CLMP: variants seen among roughly 807,000 people sequenced by gnomAD.
CLMP encodes the protein CXADR like cell adhesion molecule.
In CLMP, 27 loss-of-function variants were observed where a neutral mutation model predicts 45.2. The ratio of observed to expected loss-of-function variants is 0.60; its 90% CI spans 0.44 to 0.82. CLMP has a LOEUF of 0.82. CLMP is among the 40% of genes least tolerant of loss of function. The probability of loss-of-function intolerance (pLI) is 0.00; values close to 1 mark genes in which losing one functional copy is unlikely to be tolerated. For synonymous variants in CLMP, 167 were observed against 171.4 expected, an observed-to-expected ratio of 0.97 and a Z score of 0.20; for missense variants, 403 against 448.4, an observed-to-expected ratio of 0.90 and a Z score of 0.91.
chr11:123,175,130 AT>A (rs981030336), intron 1 of CLMP, among the ~76,000 whole-genome samples: 1 of 151,970 alleles, frequency 6.6e-6, no homozygotes, highest in Non-Finnish European at 1.5e-5. Flanking sequence ...ATTAAAAAAA[AT>A]TTTTTTTAAG....
At chr11:123,171,019 G>A (rs1350111164) in intron 1 of CLMP, among the ~76,000 whole-genome samples, 2 of 152,148 alleles carry the variant, frequency 1.3e-5, no homozygotes, top group Non-Finnish European at 2.9e-5. Flanking sequence ...TTAAAACCAG[G>A]GTATGAGCAA....
In CLMP at chr11:123,161,052, T is replaced by C. The variant is rs189680763; in HGVS notation, c.28+33861A>G. On this transcript the variant is annotated intron_variant, in intron 1 of 6. Coordinates refer to ENST00000448775, the MANE Select transcript of CLMP (RefSeq NM_024769.5). The stretch of plus-strand genomic sequence containing the variant: ...TTGAAACAGGCAGCATTAGATTTCC[T>C]TGGCCTTCCTTTGACAGCAGCACTG... 6.6e-5 allele frequency among the ~76,000 whole-genome samples: 10 copies of C among 152,038 alleles called. No individual in the cohort carries two copies. In the East Asian group the frequency reaches 1.9e-3, roughly 29 times the overall value.
At chr11:123,152,555 TA>T (rs971803646) in intron 1 of CLMP, among the ~76,000 whole-genome samples, 2 of 145,502 alleles carry the variant, frequency 1.4e-5, no homozygotes, top group African/African-American at 2.8e-5. Context: ...AATAAATAAA[TA>T]AATAAATAAA....
intron 1 of CLMP, among the ~76,000 whole-genome samples, chr11:123,184,031 T>C (rs964761098): frequency 1.4e-4 from 22 of 152,222 alleles, no homozygotes; most frequent in African/African-American, 5.3e-4. Flanking sequence ...TCTCATAATG[T>C]TATCTTGAAG....
chr11:123,079,979 C>T (rs1229219854), intron 5 of CLMP, among the ~76,000 whole-genome samples: 1 of 152,172 alleles, frequency 6.6e-6, no homozygotes, highest in African/African-American at 2.4e-5. Flanking sequence ...ACTGAACACC[C>T]ACCATGTGTG....
At chr11:123,187,022 A>G (rs1861843834) in intron 1 of CLMP, among the ~76,000 whole-genome samples, 1 of 152,200 alleles carries the variant, frequency 6.6e-6, no homozygotes, top group African/African-American at 2.4e-5. Flanking sequence ...GATAATAACA[A>G]CAGACATTCA....
At chr11:123,191,894 A>T (rs1204259294) in intron 1 of CLMP, among the ~76,000 whole-genome samples, 1 of 152,218 alleles carries the variant, frequency 6.6e-6, no homozygotes, top group Admixed American at 6.5e-5. Flanking sequence ...TTAGATAAGC[A>T]TTTGGAACAC....
intron 1 of CLMP, among the ~76,000 whole-genome samples, chr11:123,190,298 A>C (rs183356746): frequency 6.0e-4 from 92 of 152,268 alleles, no homozygotes; most frequent in Admixed American, 2.8e-3. Flanking sequence ...TTGGTTTATC[A>C]TCATGTGCTA....
rs1244294054 is a variant in CLMP, at chr11:123,173,802, C to T, written c.28+21111G>A. On this transcript the variant is annotated intron_variant, in intron 1 of 6. Transcript: ENST00000448775. ...ATCAAAAAAAAATTCCAGGCCTGGG[C>T]TGAGTGCTGTGGATCAGACCTGTAA... Among the ~76,000 whole-genome samples, 3 of 152,122 alleles carry T rather than the reference C, an allele frequency of 2.0e-5. No individual in the cohort carries two copies. In the East Asian group the frequency reaches 5.8e-4, roughly 29 times the overall value.
At chr11:123,145,452 G>GTTTTTTT (rs66487810) in intron 1 of CLMP, among the ~76,000 whole-genome samples, 4 of 61,808 alleles carry the variant, frequency 6.5e-5, no homozygotes, top group Admixed American at 2.0e-4. Flanking sequence ...CTCTGCGGCT[G>GTTTTTTT]TTTTTTTTTT....
At chr11:123,162,134 G>C (rs779156293) in intron 1 of CLMP, among the ~76,000 whole-genome samples, 13 of 152,154 alleles carry the variant, frequency 8.5e-5, no homozygotes, top group Non-Finnish European at 1.3e-4. Context: ...TCAGTCTAAG[G>C]GGAAGTTCCT....
chr11:123,093,286 G>A (rs114009716), intron 2 of CLMP, among the ~76,000 whole-genome samples: 4,043 of 152,214 alleles, frequency 0.027, 192 homozygotes, highest in African/African-American at 0.091. Flanking sequence ...AAGAAAAAAG[G>A]GATAACATGC....
At position 123,074,661 on chromosome 11, in the gene CLMP, A is replaced by G. The variant is rs769166392; in HGVS notation, c.821+41T>C. On this transcript the variant is annotated intron_variant, in intron 6 of 6. Transcript: ENST00000448775. The stretch of plus-strand genomic sequence containing the variant: ...GGCTGGTCACTATAGTGCTGGCCCT[A>G]AAACAGAAGCCCCGTAAAAGTAGGG... 25 of 1,603,348 alleles carry G rather than the reference A, an allele frequency of 1.6e-5. No individual in the cohort carries two copies. The Admixed American group carries it at 4.2e-4, about 27-fold the overall frequency.
intron 1 of CLMP, among the ~76,000 whole-genome samples, chr11:123,175,432 A>G (rs1302793171): frequency 6.7e-6 from 1 of 150,332 alleles, no homozygotes; most frequent in African/African-American, 2.5e-5. Context: ...TCCTCCCTCA[A>G]CATGTGGGGA....
At chr11:123,145,889 A>G (rs1430355059) in intron 1 of CLMP, among the ~76,000 whole-genome samples, 2 of 152,238 alleles carry the variant, frequency 1.3e-5, no homozygotes, top group East Asian at 3.9e-4. Context: ...CTGCTACTTT[A>G]CTTATCTCCT....
intron 1 of CLMP, among the ~76,000 whole-genome samples, chr11:123,160,262 A>G (rs1861468093): frequency 7.9e-6 from 1 of 125,882 alleles, no homozygotes; most frequent in Non-Finnish European, 1.6e-5. Context: ...CCTGGGCAAC[A>G]GAGCGAGACT....
chr11:123,143,421 G>T (rs1861192832), intron 1 of CLMP, among the ~76,000 whole-genome samples: 1 of 151,632 alleles, frequency 6.6e-6, no homozygotes, highest in African/African-American at 2.4e-5. Context: ...TCAATTCCAT[G>T]ATTATGTTAA....
At chr11:123,161,828 C>A (rs1861491565) in intron 1 of CLMP, among the ~76,000 whole-genome samples, 3 of 152,190 alleles carry the variant, frequency 2.0e-5, no homozygotes, top group Admixed American at 2.0e-4. Context: ...ACTCTTGGAC[C>A]TAAACTCCCT....
rs926259733 is a variant in CLMP at position 123,164,606 on chromosome 11, AT to A, written c.28+30306del. On this transcript the variant is annotated intron_variant, in intron 1 of 6. Transcript: ENST00000448775. Reference sequence around the variant, plus strand: ...GATGTGAGCCACCATGCCTGGCTTGATTTTTTTTTTTTTAAATGAATGAAAA... The same window carrying A: ...GATGTGAGCCACCATGCCTGGCTTGATTTTTTTTTTTTAAATGAATGAAAA... 3.3e-3 allele frequency among the ~76,000 whole-genome samples: 474 copies of A among 145,394 alleles called. 1 individual carries two copies. Among genetic ancestry groups the A allele is most frequent in the Middle Eastern group, 0.025 (7 of 280 alleles).
Sources: allele counts gnomAD v4.1 joint callset (sites outside exome capture counted in the v4.1 genomes callset), GRCh38; gene constraint gnomAD v4.1.1; transcripts MANE v1.5; gene names NCBI Gene and HGNC (gene_info 2026-07-23, HGNC 2026-07-21).